ATP2B2: variants seen among roughly 807,000 people sequenced by gnomAD.
ATP2B2 encodes the protein plasma membrane calcium-transporting ATPase 2.
In ATP2B2, 15 loss-of-function variants were observed where a neutral mutation model predicts 120.0. That is an observed-to-expected ratio of 0.12 (90% CI 0.08 to 0.19). The LOEUF (loss-of-function observed/expected upper bound fraction) is 0.19, where lower values mean the gene tolerates loss of function less well. Among genes scored for constraint, ATP2B2 ranks in the 10% least tolerant of loss-of-function variants. The pLI, the probability that ATP2B2 is intolerant of heterozygous loss-of-function variation, is 1.00. For synonymous variants in ATP2B2, 694 were observed against 700.3 expected, an observed-to-expected ratio of 0.99 and a Z score of 0.14; for missense variants, 1,045 against 1,719.8, an observed-to-expected ratio of 0.61 and a Z score of 6.94.
chr3:10,541,102 T>C (rs999534539), intron 2 of ATP2B2, among the ~76,000 whole-genome samples: 3 of 152,162 alleles, frequency 2.0e-5, no homozygotes, highest in African/African-American at 7.2e-5. Flanking sequence ...GTCTGTAGCG[T>C]TATTCTTTGT....
upstream of ATP2B2, among the ~76,000 whole-genome samples, chr3:10,510,412 T>G (rs116737623): frequency 5.9e-3 from 897 of 152,322 alleles, 8 homozygotes; most frequent in African/African-American, 0.021. Context: ...AATTGGAGCT[T>G]GAAATAGGAA....
Position 10,449,413 on chromosome 3 carries a change from A to G in ATP2B2, c.131T>C (p.Val44Ala), listed in dbSNP as rs771105825. Residue 44 changes from valine (V) to alanine (A), a missense_variant, in exon 2 of 23, where the codon GTC becomes GCC. Val to Ala is a moderately conservative substitution (Grantham distance 64, BLOSUM62 0). This residue lies in a region of ATP2B2 where 139 missense variants were observed against 134.2 expected (regional missense o/e 1.04). Coordinates refer to ENST00000360273, the MANE Select transcript of ATP2B2 (RefSeq NM_001001331.4). ...LMELRGTEAV[V>A]KIKETYGDTE... ...GTCCCCATAAGTCTCCTTGATCTTGACCACAGCCTCAGTGCCCCGCAGCTC... is the reference window on the plus strand; with the variant it reads ...GTCCCCATAAGTCTCCTTGATCTTGGCCACAGCCTCAGTGCCCCGCAGCTC... 6.8e-6 allele frequency: 11 copies of G among 1,614,180 alleles called. No homozygotes were observed. The highest frequency in any genetic ancestry group is 8.5e-6 in the Non-Finnish European group (10 of 1,180,030).
chr3:10,566,891 T>G (rs974223292), intron 2 of ATP2B2, among the ~76,000 whole-genome samples: 1 of 152,206 alleles, frequency 6.6e-6, no homozygotes, highest in Non-Finnish European at 1.5e-5. Flanking sequence ...GGTTAAGATT[T>G]AACACAAAGT....
intron 3 of ATP2B2, among the ~76,000 whole-genome samples, chr3:10,531,280 T>G (rs2067204504): frequency 6.6e-6 from 1 of 152,196 alleles, no homozygotes; most frequent in African/African-American, 2.4e-5. Context: ...AGCCAGTGGC[T>G]TTGACCCCAG....
At chr3:10,591,717 C>T (rs537385364) in intron 2 of ATP2B2, among the ~76,000 whole-genome samples, 1 of 152,294 alleles carries the variant, frequency 6.6e-6, no homozygotes, top group East Asian at 1.9e-4. Context: ...TTCTAACAGC[C>T]TCGATGGTTC....
chr3:10,589,427 T>C (rs2068590640), intron 2 of ATP2B2, among the ~76,000 whole-genome samples: 1 of 152,226 alleles, frequency 6.6e-6, no homozygotes, highest in Non-Finnish European at 1.5e-5. Context: ...GAAATGGTTG[T>C]GCTGAGAAGC....
chr3:10,516,929 A>C (rs936459026), intron 3 of ATP2B2, among the ~76,000 whole-genome samples: 3 of 152,064 alleles, frequency 2.0e-5, no homozygotes, highest in African/African-American at 7.3e-5. Flanking sequence ...TCTACTTTGA[A>C]GGGCAATGCT....
intron 1 of ATP2B2, among the ~76,000 whole-genome samples, chr3:10,501,328 A>G (rs1046231508): frequency 2.0e-5 from 3 of 151,280 alleles, no homozygotes; most frequent in Non-Finnish European, 4.4e-5. Flanking sequence ...ACTGCCCAGC[A>G]GGAGGTCCCA....
Position 10,454,314 on chromosome 3 carries a change from AT to A in ATP2B2, c.-319-4453del, listed in dbSNP as rs113036246. ...CCTTTCCTCTCAGCTCCAAGTAGGG[AT>A]TTTTTTTTCTTCAGGTAAAGAAGGA... On this transcript the variant is annotated intron_variant, in intron 1 of 22. Coordinates refer to ENST00000360273, the MANE Select transcript of ATP2B2 (RefSeq NM_001001331.4). 3.5e-3 allele frequency among the ~76,000 whole-genome samples: 528 copies of A among 151,932 alleles called. 4 individuals are homozygous for A. Among genetic ancestry groups the A allele is most frequent in the African/African-American group, 0.012 (482 of 41,398 alleles).
At chr3:10,351,292 C>G (rs781193391) in intron 14 of ATP2B2, among the ~76,000 whole-genome samples, 1 of 152,144 alleles carries the variant, frequency 6.6e-6, no homozygotes, top group African/African-American at 2.4e-5. Flanking sequence ...TGAGGGTTTC[C>G]CCGAGGAAAC....
At position 10,375,688 on chromosome 3, in the gene ATP2B2, A is replaced by G. The variant is rs775721032; in HGVS notation, c.1202-44T>C. The G allele has an allele frequency of 1.3e-6, 2 of 1,577,592 alleles. No homozygotes were observed. Among genetic ancestry groups the G allele is most frequent in the South Asian group, 2.2e-5 (2 of 89,712 alleles). On this transcript the variant is annotated intron_variant, in intron 10 of 22. Transcript: ENST00000360273. This position sits in a 1 kb window ranked among gnomAD's most constrained non-coding sequence, Gnocchi z 4.2. ...ATGCTTGGGGGGTTCCAGGAAGTGG[A>G]GGCTGGGGGTGGTGTGGACCAAATC...
chr3:10,545,252 G>T (rs973243179), intron 2 of ATP2B2, among the ~76,000 whole-genome samples: 1 of 152,158 alleles, frequency 6.6e-6, no homozygotes. Flanking sequence ...TTTTTAGGCC[G>T]GGTGCAGTGG....
chr3:10,426,338 C>T (rs1465981569), intron 2 of ATP2B2, among the ~76,000 whole-genome samples: 2 of 152,308 alleles, frequency 1.3e-5, no homozygotes, highest in East Asian at 1.9e-4. Flanking sequence ...AAACATGTGG[C>T]CTCTCCTAGA....
intron 2 of ATP2B2, among the ~76,000 whole-genome samples, chr3:10,594,818 A>G (rs1306812340): frequency 6.6e-6 from 1 of 152,206 alleles, no homozygotes; most frequent in Non-Finnish European, 1.5e-5. Flanking sequence ...TTAGCTCATT[A>G]ATCCACACAG....
chr3:10,612,447 G>T (rs78414119), intron 2 of ATP2B2, among the ~76,000 whole-genome samples: 6,248 of 152,188 alleles, frequency 0.041, 198 homozygotes, highest in South Asian at 0.083. Context: ...GGGGACCCCT[G>T]CGTACTCCCT....
chr3:10,427,816 T>C (rs897079483), intron 2 of ATP2B2, among the ~76,000 whole-genome samples: 1 of 152,242 alleles, frequency 6.6e-6, no homozygotes, highest in African/African-American at 2.4e-5. Context: ...CATCCTCTCC[T>C]AACCATGTTT....
At chr3:10,706,237 C>T (rs2071894172) in intron 1 of ATP2B2, among the ~76,000 whole-genome samples, 1 of 152,216 alleles carries the variant, frequency 6.6e-6, no homozygotes, top group Non-Finnish European at 1.5e-5. Flanking sequence ...GCCATCTCCT[C>T]TGTTGCCAAT....
At chr3:10,654,454 G>T (rs1002841863) in intron 1 of ATP2B2, among the ~76,000 whole-genome samples, 2 of 152,122 alleles carry the variant, frequency 1.3e-5, no homozygotes, top group Non-Finnish European at 2.9e-5. Flanking sequence ...GCATCCGAGT[G>T]GATGAGGCGG....
Position 10,401,406 on chromosome 3 carries a change from A to C in ATP2B2, c.656-328T>G, listed in dbSNP as rs11710165. On this transcript the variant is annotated intron_variant, in intron 4 of 22. Coordinates refer to ENST00000360273, the MANE Select transcript of ATP2B2 (RefSeq NM_001001331.4). The stretch of plus-strand genomic sequence containing the variant: ...CAACAATTCGTTCTTCTGTAGTCTC[A>C]GTTATGGTTTAGGGGAAATATTTTG... Among the ~76,000 whole-genome samples, 28,262 of 152,148 alleles carry C rather than the reference A, an allele frequency of 0.19. 3,216 individuals are homozygous for C. Among genetic ancestry groups the C allele is most frequent in the East Asian group, 0.39 (2,014 of 5,166 alleles).
Sources: gnomAD v4.1 joint callset for allele counts (sites outside exome capture counted in the v4.1 genomes callset) on GRCh38, gnomAD v4.1.1 for gene constraint, gnomAD v4.1.1 regional missense constraint, Gnocchi (gnomAD v3.1) non-coding constraint, MANE v1.5 for transcripts, NCBI Gene and HGNC (gene_info 2026-07-23, HGNC 2026-07-21) for gene names.